The following FEM1C variants were observed in gnomAD, a reference collection of about 807,000 sequenced individuals.
FEM1C encodes fem-1 homolog C, also known as protein fem-1 homolog C.
A neutral mutation model predicts 37.6 loss-of-function variants in FEM1C; 15 were observed. The observed-to-expected ratio is 0.40, with a 90% CI of 0.27 to 0.61. The LOEUF is 0.61. Ranked by LOEUF, FEM1C falls within the 20% of genes least tolerant of loss-of-function variation. The pLI is 0.42. For synonymous variants in FEM1C, 287 were observed against 272.8 expected (o/e 1.05, Z -0.51); for missense variants, 532 against 749.7 (o/e 0.71, Z 3.39).
At position 115,524,700 on chromosome 5, in the gene FEM1C, G is replaced by A. The variant is rs147350117; in HGVS notation, c.1462C>T (p.Leu488=). 5.0e-4 allele frequency: 773 copies of A among 1,543,624 alleles called. 9 individuals are homozygous for A. In the East Asian group the frequency reaches 0.015, roughly 30 times the overall value. ...CATGTAGTATTCTTGTCCACAGCCAGATGAAGAGGGCTGAAGTTATTCTTT... is the reference window on the plus strand; with the variant it reads ...CATGTAGTATTCTTGTCCACAGCCAAATGAAGAGGGCTGAAGTTATTCTTT... ...RGKNNFSPLH[L]AVDKNTTCVG... is the part of the protein sequence containing the mutation. The change falls in exon 3 of 3, where the codon CTG becomes TTG. Residue 488 remains leucine (L), a synonymous_variant. Coordinates refer to ENST00000274457, the MANE Select transcript of FEM1C (RefSeq NM_020177.3).
rs1753855191 is a variant in FEM1C at position 115,524,868 on chromosome 5, G to A, written c.1294C>T (p.Pro432Ser). 5 of 1,613,548 alleles carry A rather than the reference G, an allele frequency of 3.1e-6. No homozygotes were observed. The highest frequency in any genetic ancestry group is 3.4e-6 in the Non-Finnish European group (4 of 1,179,808). ...TTATTTAACTGTAATGGGTCAGCTG[G>A]ACACTGAGTTTGTTTGATAGCTCGC... ...IERAIKQTQCPADPLQLNKAL... is the reference protein window; with the variant it reads ...IERAIKQTQCSADPLQLNKAL... Residue 432 changes from proline (P) to serine (S), a missense_variant, in exon 3 of 3, where the codon CCA becomes TCA. Transcript: ENST00000274457.
At chr5:115,526,552 A>G (rs1157276385) in intron 2 of FEM1C, among the ~76,000 whole-genome samples, 1 of 152,192 alleles carries the variant, frequency 6.6e-6, no homozygotes, top group Non-Finnish European at 1.5e-5. Context: ...ACATTAAGAC[A>G]TCGGAAACAC....
At chr5:115,525,786 A>G (rs1753878408) in intron 2 of FEM1C, among the ~76,000 whole-genome samples, 169 bp from the exon 3 acceptor site, 1 of 152,174 alleles carries the variant, frequency 6.6e-6, no homozygotes, top group Non-Finnish European at 1.5e-5. Context: ...ACCTAAAACT[A>G]GTATCTGATA....
chr5:115,538,466 T>G (rs1430434689), intron 2 of FEM1C, among the ~76,000 whole-genome samples: 1 of 152,046 alleles, frequency 6.6e-6, no homozygotes, highest in Non-Finnish European at 1.5e-5. Flanking sequence ...ATCCAACATG[T>G]CCACTCAACA....
intron 2 of FEM1C, among the ~76,000 whole-genome samples, chr5:115,536,775 T>C (rs1311334774): frequency 1.3e-5 from 2 of 152,018 alleles, no homozygotes; most frequent in Admixed American, 6.6e-5. Flanking sequence ...TATAAGGCAC[T>C]GAGCAAAGAA....
rs1323485162 is a variant in FEM1C, at chr5:115,525,073, A to G, written c.1089T>C (p.Tyr363=). Residue 363 remains tyrosine (Y), a synonymous_variant, in exon 3 of 3, where the codon TAT becomes TAC. Transcript: ENST00000274457. The part of the protein sequence containing the change: ...NFKRCINLWK[Y]ALDMQQSNLD... ...AATTGCTCTGCTGCATATCCAAAGC[A>G]TACTTCCATAGGTTGATGCATCGTT... 4 of 1,613,784 alleles carry G rather than the reference A, an allele frequency of 2.5e-6. No individual in the cohort carries two copies. Among genetic ancestry groups the G allele is most frequent in the South Asian group, 1.1e-5 (1 of 91,070 alleles).
intron 2 of FEM1C, among the ~76,000 whole-genome samples, chr5:115,530,494 G>A (rs256940): frequency 0.75 from 113,787 of 152,076 alleles, 43,751 homozygotes; most frequent in African/African-American, 0.93. Context: ...CAGTAAGGAT[G>A]AAGATTTGAA....
At position 115,523,942 on chromosome 5, in the gene FEM1C, A is replaced by G; in HGVS notation, c.*366T>C. The G allele has an allele frequency of 5.4e-6, 1 of 183,748 alleles. No individual in the cohort carries two copies. Among genetic ancestry groups the G allele is most frequent in the Non-Finnish European group, 1.1e-5 (1 of 87,722 alleles). The allele number at this position is 183,748 out of a possible 1,614,324, so 11.4% of individuals were successfully genotyped here. ...TGAGAAGAGAAGAAAGAAGCAAGAA[A>G]AAAAGACTTTCAATTGTATAAAATT... On this transcript the variant is annotated 3_prime_UTR_variant, in exon 3 of 3. Transcript: ENST00000274457.
chr5:115,531,293 C>A (rs540990989), intron 2 of FEM1C, among the ~76,000 whole-genome samples: 11 of 152,098 alleles, frequency 7.2e-5, no homozygotes, highest in Non-Finnish European at 1.5e-4. Context: ...TTCACAATTT[C>A]TCTAAGGAAA....
At position 115,524,424 on chromosome 5, in the gene FEM1C, G is replaced by A; in HGVS notation, c.1738C>T (p.Pro580Ser). ...CACTGCAATGTGGTATGATTTATAGGCTGGATTAAATTTTTAGCTATTTCC... is the reference window on the plus strand; with the variant it reads ...CACTGCAATGTGGTATGATTTATAGACTGGATTAAATTTTTAGCTATTTCC... ...EKEIAKNLIQ[P>S]INHTTLQCLA... Residue 580 changes from proline to serine, a missense_variant, in exon 3 of 3, where the codon CCT becomes TCT. Pro to Ser is a moderately conservative substitution (Grantham distance 74). Transcript: ENST00000274457. 1.2e-6 allele frequency: 2 copies of A among 1,613,460 alleles called. No individual in the cohort carries two copies. The highest frequency in any genetic ancestry group is 1.7e-6 in the Non-Finnish European group (2 of 1,179,688).
chr5:115,535,262 T>G (rs1396025075), intron 2 of FEM1C, among the ~76,000 whole-genome samples: 1 of 122,310 alleles, frequency 8.2e-6, no homozygotes, highest in Non-Finnish European at 1.7e-5. Flanking sequence ...CAAATTGGTA[T>G]AAACACCACC....
At position 115,524,279 on chromosome 5, in the gene FEM1C, T is replaced by C. The variant is rs371843337; in HGVS notation, c.*29A>G. ...TGAAACAACTGTTACCAATTCGTGC[T>C]TTAACAGTGCTAAAATACAGTCAAG... On this transcript the variant is annotated 3_prime_UTR_variant, in exon 3 of 3. Coordinates refer to ENST00000274457, the MANE Select transcript of FEM1C (RefSeq NM_020177.3). 886 of 1,589,074 alleles carry C rather than the reference T, an allele frequency of 5.6e-4. 3 individuals carry two copies. The highest frequency in any genetic ancestry group is 4.5e-3 in the South Asian group (408 of 90,074).
At chr5:115,533,050 A>C (rs1754050706) in intron 2 of FEM1C, among the ~76,000 whole-genome samples, 1 of 152,052 alleles carries the variant, frequency 6.6e-6, no homozygotes, top group Non-Finnish European at 1.5e-5. Context: ...TAAGTCAATA[A>C]ACAAATGACA....
intron 2 of FEM1C, among the ~76,000 whole-genome samples, chr5:115,532,198 T>C (rs1754029222): frequency 6.6e-6 from 1 of 152,114 alleles, no homozygotes; most frequent in African/African-American, 2.4e-5. Context: ...TATAATACCT[T>C]ACACTAGTAT....
At chr5:115,541,847 G>C (rs10053572) in intron 2 of FEM1C, among the ~76,000 whole-genome samples, 59,086 of 151,900 alleles carry the variant, frequency 0.39, 11,922 homozygotes, top group Middle Eastern at 0.47. Context: ...CTTGTACATA[G>C]ACAAGTATGC....
intron 2 of FEM1C, 96 bp downstream of exon 2, chr5:115,542,854 A>G (rs755922288): frequency 1.7e-5 from 25 of 1,439,996 alleles, no homozygotes; most frequent in African/African-American, 2.9e-5. Flanking sequence ...CAGGTCTGTC[A>G]ATGCTGGTTT....
chr5:115,523,741 T>C lies in FEM1C; in HGVS notation c.*567A>G, dbSNP rs960089596. 2 of 152,524 alleles carry C rather than the reference T, an allele frequency of 1.3e-5. No homozygotes were observed. Among genetic ancestry groups the C allele is most frequent in the Non-Finnish European group, 2.9e-5 (2 of 68,048 alleles). The allele number at this position is 152,524 out of a possible 1,614,324, so 9.4% of individuals were successfully genotyped here. ...AGTTGACCAACTGCTGCATAGAAAA[T>C]ATGCTAACATACAACAGTCAAGTTT... On this transcript the variant is annotated 3_prime_UTR_variant, in exon 3 of 3. Transcript: ENST00000274457.
At chr5:115,532,444 G>GT (rs1291794552) in intron 2 of FEM1C, among the ~76,000 whole-genome samples, 2 of 151,766 alleles carry the variant, frequency 1.3e-5, no homozygotes, top group Non-Finnish European at 2.9e-5. Context: ...CAGGTTAAGT[G>GT]TATAACCACC....
chr5:115,526,496 A>T (rs1282146694), intron 2 of FEM1C, among the ~76,000 whole-genome samples: 3 of 152,194 alleles, frequency 2.0e-5, no homozygotes, highest in Non-Finnish European at 4.4e-5. Flanking sequence ...ACACAGATTA[A>T]AACTGACAAC....
Sources: gnomAD v4.1 joint callset for allele counts (sites outside exome capture counted in the v4.1 genomes callset) on GRCh38, gnomAD v4.1.1 for gene constraint, MANE v1.5 for transcripts, NCBI Gene and HGNC (gene_info 2026-07-23, HGNC 2026-07-21) for gene names.